VPS13B: variants seen among roughly 807,000 people sequenced by gnomAD.
The protein encoded by VPS13B is vacuolar protein sorting 13 homolog B, also known as intermembrane lipid transfer protein VPS13B.
Under a neutral mutation model 426.4 loss-of-function variants are expected in VPS13B, and 285 were observed. The observed-to-expected ratio is 0.67, with a 90% CI of 0.61 to 0.74. The LOEUF is 0.74. VPS13B is among the 30% of genes least tolerant of loss of function. The pLI, the probability that VPS13B is intolerant of heterozygous loss-of-function variation, is 0.00. For missense variants in VPS13B, 4,537 were observed against 4,782.6 expected, an observed-to-expected ratio of 0.95 and a Z score of 1.51; for synonymous variants, 1,676 against 1,676.4, an observed-to-expected ratio of 1.00 and a Z score of 0.01.
chr8:99,266,884 A>G (rs1284993045), intron 17 of VPS13B, among the ~76,000 whole-genome samples: 2 of 152,114 alleles, frequency 1.3e-5, no homozygotes, highest in African/African-American at 2.4e-5. Context: ...TTCTTTATAA[A>G]TTACCCAGTC....
At chr8:99,312,524 C>G (rs1202569585) in intron 19 of VPS13B, among the ~76,000 whole-genome samples, 1 of 152,232 alleles carries the variant, frequency 6.6e-6, no homozygotes, top group Non-Finnish European at 1.5e-5. Flanking sequence ...TGTAGAATTT[C>G]TGCCAAGAGA....
At chr8:99,826,527 T>A (rs1814693986) in intron 51 of VPS13B, among the ~76,000 whole-genome samples, 1 of 152,238 alleles carries the variant, frequency 6.6e-6, no homozygotes, top group Admixed American at 6.5e-5. Flanking sequence ...AGAGACAATT[T>A]GACTTCCTCC....
chr8:99,147,648 CAA>C (rs1810810620), intron 13 of VPS13B, among the ~76,000 whole-genome samples, 191 bp from the exon 14 acceptor site: 1 of 152,024 alleles, frequency 6.6e-6, no homozygotes, highest in Non-Finnish European at 1.5e-5. Flanking sequence ...TTTTATATAA[CAA>C]AGATACATTT....
intron 31 of VPS13B, among the ~76,000 whole-genome samples, chr8:99,574,915 G>A (rs1411990227): frequency 6.6e-6 from 1 of 152,170 alleles, no homozygotes; most frequent in Non-Finnish European, 1.5e-5. Context: ...TGTAATCCCA[G>A]CACTTTGAGA....
At chr8:99,089,374 T>A (rs1031438356) in intron 3 of VPS13B, among the ~76,000 whole-genome samples, 9 of 152,170 alleles carry the variant, frequency 5.9e-5, no homozygotes, top group African/African-American at 2.2e-4. Context: ...AAGTTTATTT[T>A]GCCAAGGTTA....
intron 33 of VPS13B, among the ~76,000 whole-genome samples, chr8:99,638,818 C>T (rs923926253): frequency 3.9e-5 from 6 of 152,102 alleles, no homozygotes; most frequent in African/African-American, 1.2e-4. Flanking sequence ...TTCTTTATAT[C>T]GTAACAATCA....
intron 43 of VPS13B, among the ~76,000 whole-genome samples, chr8:99,785,877 G>A (rs1288604996): frequency 6.6e-6 from 1 of 152,124 alleles, no homozygotes; most frequent in Non-Finnish European, 1.5e-5. Context: ...ATGTGGGACA[G>A]GAAAGAAGCC....
At chr8:99,078,276 GTTCAC>G (rs1563524863) in intron 3 of VPS13B, among the ~76,000 whole-genome samples, 1 of 148,524 alleles carries the variant, frequency 6.7e-6, no homozygotes, top group Non-Finnish European at 1.5e-5. Flanking sequence ...CTAGTGTACC[GTTCAC>G]TTCTTCTAGT....
chr8:99,583,215 G>C (rs1021660571), intron 33 of VPS13B, among the ~76,000 whole-genome samples: 1 of 152,160 alleles, frequency 6.6e-6, no homozygotes, highest in African/African-American at 2.4e-5. Context: ...AGCCAGATGA[G>C]AGAAGATTGT....
At chr8:99,177,944 T>A (rs1304126087) in intron 16 of VPS13B, among the ~76,000 whole-genome samples, 1 of 152,206 alleles carries the variant, frequency 6.6e-6, no homozygotes, top group African/African-American at 2.4e-5. Context: ...TTTTAAAAAA[T>A]GTATCTTTCT....
At chr8:99,023,330 A>G (rs1349461324) in intron 2 of VPS13B, among the ~76,000 whole-genome samples, 1 of 152,016 alleles carries the variant, frequency 6.6e-6, no homozygotes, top group Non-Finnish European at 1.5e-5. Flanking sequence ...CCTATGTATG[A>G]GAATATGCAA....
intron 39 of VPS13B, among the ~76,000 whole-genome samples, chr8:99,722,432 T>G (rs1833167447): frequency 6.6e-6 from 1 of 152,200 alleles, no homozygotes. Flanking sequence ...GTGACTGCTC[T>G]GTTCTTAACA....
At chr8:99,120,433 G>C (rs2132513174) in intron 7 of VPS13B, 1 of 152,090 alleles carries the variant, frequency 6.6e-6, no homozygotes, top group South Asian at 2.1e-4. Flanking sequence ...TTATATTAAA[G>C]GACTTTGATG....
chr8:99,120,593 A>G (rs2132513637), intron 7 of VPS13B: 1 of 152,384 alleles, frequency 6.6e-6, no homozygotes, highest in South Asian at 2.1e-4. Flanking sequence ...TGCTAGTAAG[A>G]AAGAGGCCCC....
At chr8:99,232,990 T>G in intron 17 of VPS13B, 1 of 747,190 alleles carries the variant, frequency 1.3e-6, no homozygotes, top group African/African-American at 1.7e-5. Context: ...TGGTCTCATT[T>G]TGTCAGGTGT....
intron 25 of VPS13B, among the ~76,000 whole-genome samples, chr8:99,499,268 A>G (rs1033563744): frequency 6.6e-6 from 1 of 152,110 alleles, no homozygotes; most frequent in African/African-American, 2.4e-5. Flanking sequence ...TACCAAACAA[A>G]ATGCTGTAAA....
At chr8:99,543,338 A>G (rs1319872664) in intron 30 of VPS13B, among the ~76,000 whole-genome samples, 1 of 152,226 alleles carries the variant, frequency 6.6e-6, no homozygotes, top group Admixed American at 6.5e-5. Context: ...CTTAAACGTT[A>G]CACCTAAAAC....
intron 2 of VPS13B, among the ~76,000 whole-genome samples, chr8:99,023,595 C>T (rs542678287): frequency 1.3e-5 from 2 of 152,128 alleles, no homozygotes; most frequent in East Asian, 3.9e-4. Flanking sequence ...ATTCTTCTGC[C>T]TCAGCCTCCC....
rs1423394953 is a variant in VPS13B at position 99,073,945 on chromosome 8, ATTT to A, written c.292-22363_292-22361del. Reference sequence around the variant, plus strand: ...GCCACCAGGCCTGGCTAATTTTTTTATTTTTTGTAGAGATAGAGTCTCCCTATA... The same window carrying A: ...GCCACCAGGCCTGGCTAATTTTTTTATTTGTAGAGATAGAGTCTCCCTATA... On this transcript the variant is annotated intron_variant, in intron 3 of 61. Coordinates refer to ENST00000357162, the MANE Select transcript of VPS13B (RefSeq NM_152564.5). 7.9e-5 allele frequency among the ~76,000 whole-genome samples: 12 copies of A among 151,150 alleles called. No homozygotes were observed. The East Asian group carries it at 2.3e-3, about 29-fold the overall frequency.
Sources: allele counts gnomAD v4.1 joint callset (sites outside exome capture counted in the v4.1 genomes callset), GRCh38; gene constraint gnomAD v4.1.1; transcripts MANE v1.5; gene names NCBI Gene and HGNC (gene_info 2026-07-23, HGNC 2026-07-21).